PCNX2: variants seen among roughly 807,000 people sequenced by gnomAD.
The protein encoded by PCNX2 is pecanex 2.
A neutral mutation model predicts 223.8 loss-of-function variants in PCNX2; 168 were observed. The observed-to-expected ratio is 0.75, with a 90% CI of 0.66 to 0.85. The LOEUF (loss-of-function observed/expected upper bound fraction) is 0.85, where lower values mean the gene tolerates loss of function less well. Among genes scored for constraint, PCNX2 ranks in the 40% least tolerant of loss-of-function variants. The pLI, the probability that PCNX2 is intolerant of heterozygous loss-of-function variation, is 0.00. For missense variants in PCNX2, 2,507 were observed against 2,675.5 expected (o/e 0.94, Z 1.39); for synonymous variants, 1,006 against 1,052.6 (o/e 0.96, Z 0.86).
intron 15 of PCNX2, among the ~76,000 whole-genome samples, chr1:233,198,158 T>C (rs567696850): frequency 2.1e-4 from 32 of 152,224 alleles, no homozygotes; most frequent in African/African-American, 7.0e-4. Flanking sequence ...TTCTTCTCCA[T>C]ATTTACTTCC....
At chr1:233,234,079 T>C (rs1030245384) in intron 9 of PCNX2, among the ~76,000 whole-genome samples, 16 of 152,270 alleles carry the variant, frequency 1.1e-4, no homozygotes, top group Non-Finnish European at 1.9e-4. Context: ...TAGAGTTGAA[T>C]TGGTTGACTG....
chr1:233,253,373 A>AAGGCTGG lies in PCNX2; in HGVS notation c.1835-592_1835-586dup, dbSNP rs915180468. Among the ~76,000 whole-genome samples the AAGGCTGG allele has an allele frequency of 2.0e-5, 3 of 152,086 alleles. No individual in the cohort carries two copies. The highest frequency in any genetic ancestry group is 2.9e-5 in the Non-Finnish European group (2 of 68,018). ...TGAGACAGGGTCTGGCCCTGTTGCC[A>AAGGCTGG]AGGCTGGAGGCTGGAGGCTGGAGTG... On this transcript the variant is annotated intron_variant, in intron 5 of 33. Coordinates refer to ENST00000258229, the MANE Select transcript of PCNX2 (RefSeq NM_014801.4). This position sits in a 1 kb window ranked among gnomAD's most constrained non-coding sequence, Gnocchi z 4.2.
chr1:233,315,961 C>T, the PCNX2 span, among the ~76,000 whole-genome samples: 1 of 152,140 alleles, frequency 6.6e-6, no homozygotes, highest in Non-Finnish European at 1.5e-5. Context: ...AAAATGGCAA[C>T]TCAGGGTAAA....
chr1:233,311,183 T>C, the PCNX2 span, among the ~76,000 whole-genome samples: 30 of 152,238 alleles, frequency 2.0e-4, no homozygotes, highest in African/African-American at 7.2e-4. Flanking sequence ...GATTTCTTTG[T>C]TACCATAGTA....
intron 8 of PCNX2, among the ~76,000 whole-genome samples, chr1:233,247,839 C>G (rs1454247728): frequency 1.4e-5 from 2 of 140,936 alleles, no homozygotes; most frequent in African/African-American, 5.4e-5. Flanking sequence ...GATTGCATCA[C>G]TGTACTCCAG....
At chr1:233,293,535 T>C (rs1661891910) in intron 1 of PCNX2, among the ~76,000 whole-genome samples, 1 of 152,202 alleles carries the variant, frequency 6.6e-6, no homozygotes, top group African/African-American at 2.4e-5. Context: ...TTAATGCTAA[T>C]AGTCTAACTA....
At chr1:233,014,887 C>T in intron 27 of PCNX2, 110 bp from the exon 28 acceptor site, 1 of 764,002 alleles carries the variant, frequency 1.3e-6, no homozygotes, top group Non-Finnish European at 2.2e-6. Flanking sequence ...CGTGGTCATC[C>T]AGTCCCCTCT....
the PCNX2 span, among the ~76,000 whole-genome samples, chr1:233,323,422 C>T: frequency 6.6e-6 from 1 of 152,188 alleles, no homozygotes; most frequent in South Asian, 2.1e-4. Flanking sequence ...TTCAAATTAT[C>T]GTGGTTTGCA....
chr1:233,140,462 C>T (rs1471618292), intron 19 of PCNX2, among the ~76,000 whole-genome samples: 1 of 152,210 alleles, frequency 6.6e-6, no homozygotes, highest in Non-Finnish European at 1.5e-5. Flanking sequence ...TTAGACCAAC[C>T]TGGGTTTGCA....
chr1:233,316,345 G>C, the PCNX2 span, among the ~76,000 whole-genome samples: 1 of 152,128 alleles, frequency 6.6e-6, no homozygotes. Flanking sequence ...TACTGTTACC[G>C]TATCATCACC....
At chr1:233,005,523 T>C (rs1353193820) in intron 28 of PCNX2, among the ~76,000 whole-genome samples, 1 of 152,234 alleles carries the variant, frequency 6.6e-6, no homozygotes, top group Non-Finnish European at 1.5e-5. Flanking sequence ...ATTGTGGTGC[T>C]TCATGCTATT....
intron 30 of PCNX2, chr1:232,999,744 G>A (rs1451803973): frequency 1.3e-5 from 3 of 232,840 alleles, no homozygotes; most frequent in East Asian, 1.2e-4. Flanking sequence ...GAGAGAGCAG[G>A]GCTCTGGGAC....
rs1170134554 is a variant in PCNX2 at position 233,252,728 on chromosome 1, C to T, written c.1895G>A (p.Ser632Asn). The T allele has an allele frequency of 2.0e-5, 33 of 1,613,872 alleles. No individual in the cohort carries two copies. The highest frequency in any genetic ancestry group is 2.7e-5 in the Non-Finnish European group (32 of 1,179,870). Reference protein sequence around the residue: ...ILENEKPSGHSSKQGKPDLQS... With the variant: ...ILENEKPSGHNSKQGKPDLQS... ...CAAATCTGGTTTTCCTTGCTTAGAA[C>T]TGTGTCCACTGGGCTTTTCATTTTC... Residue 632 changes from serine (S) to asparagine (N), a missense_variant, in exon 6 of 34, where the codon AGT becomes AAT. Physicochemically the swap from Ser to Asn is conservative, Grantham distance 46. Around this residue, in one of 3 missense-constraint regions of PCNX2, gnomAD observed 1,031 missense variants for 1,021.7 expected, o/e 1.01. Transcript: ENST00000258229.
intron 14 of PCNX2, among the ~76,000 whole-genome samples, chr1:233,199,667 G>A (rs937652249): frequency 2.0e-5 from 3 of 152,026 alleles, no homozygotes; most frequent in Non-Finnish European, 4.4e-5. Context: ...CATTAAAAGG[G>A]TCACAGTGAT....
At chr1:233,168,634 A>T (rs1255683107) in intron 17 of PCNX2, among the ~76,000 whole-genome samples, 1 of 152,106 alleles carries the variant, frequency 6.6e-6, no homozygotes, top group African/African-American at 2.4e-5. Context: ...GTTGCCTTCC[A>T]TTGTTTACCA....
chr1:233,187,277 G>T (rs1680159871), intron 15 of PCNX2, among the ~76,000 whole-genome samples: 1 of 152,146 alleles, frequency 6.6e-6, no homozygotes, highest in Non-Finnish European at 1.5e-5. Flanking sequence ...TTTTCACATA[G>T]AATTGATTAC....
chr1:233,325,851 T>A, the PCNX2 span, among the ~76,000 whole-genome samples: 1 of 152,338 alleles, frequency 6.6e-6, no homozygotes, highest in Admixed American at 6.5e-5. Context: ...ATCACTCCAA[T>A]TTTGAAAGTA....
At chr1:233,070,290 A>C (rs1183969048) in intron 23 of PCNX2, among the ~76,000 whole-genome samples, 1 of 152,182 alleles carries the variant, frequency 6.6e-6, no homozygotes, top group Non-Finnish European at 1.5e-5. Context: ...CGTTTAAAAA[A>C]TAACAAACAA....
intron 21 of PCNX2, among the ~76,000 whole-genome samples, chr1:233,130,465 TTG>T (rs55865610): frequency 0.025 from 3,415 of 136,428 alleles, 74 homozygotes; most frequent in African/African-American, 0.066. Context: ...CCCCCAACTT[TTG>T]TGTGTGTGTG....
Sources: allele counts gnomAD v4.1 joint callset (sites outside exome capture counted in the v4.1 genomes callset), GRCh38; gene constraint gnomAD v4.1.1; regional missense constraint gnomAD v4.1.1; non-coding constraint Gnocchi (gnomAD v3.1); transcripts MANE v1.5; gene names NCBI Gene and HGNC (gene_info 2026-07-23, HGNC 2026-07-21).